Variants in ADAMTS17 observed in about 807,000 individuals in gnomAD.
The protein encoded by ADAMTS17 is A disintegrin and metalloproteinase with thrombospondin motifs 17.
A neutral mutation model predicts 141.5 loss-of-function variants in ADAMTS17; 113 were observed. The ratio of observed to expected loss-of-function variants is 0.80; its 90% CI spans 0.69 to 0.93. The LOEUF (loss-of-function observed/expected upper bound fraction) is 0.93. Ranked by LOEUF, ADAMTS17 falls within the 40% of genes least tolerant of loss-of-function variation. The pLI, the probability that ADAMTS17 is intolerant of heterozygous loss-of-function variation, is 0.00. For synonymous variants in ADAMTS17, 768 were observed against 630.6 expected (o/e 1.22, Z -3.27); for missense variants, 1,659 against 1,517.9 (o/e 1.09, Z -1.54).
chr15:100,117,046 G>C (rs1396846168), intron 12 of ADAMTS17, 33 bp from the exon 13 acceptor site: 2 of 1,573,840 alleles, frequency 1.3e-6, no homozygotes. Flanking sequence ...TGTTAACCAG[G>C]TGGTGCGACC....
chr15:100,290,504 A>G (rs2044592881), intron 3 of ADAMTS17, among the ~76,000 whole-genome samples: 1 of 152,200 alleles, frequency 6.6e-6, no homozygotes, highest in African/African-American at 2.4e-5. Context: ...TTAGAAAAAA[A>G]CTATTCTAAA....
intron 6 of ADAMTS17, chr15:100,256,436 T>G (rs978427710): frequency 6.6e-6 from 1 of 152,164 alleles, no homozygotes; most frequent in African/African-American, 2.4e-5. Flanking sequence ...CTTAATACAT[T>G]CGTTTATTAA....
chr15:100,200,591 T>C (rs1272060042), intron 7 of ADAMTS17, among the ~76,000 whole-genome samples: 1 of 152,214 alleles, frequency 6.6e-6, no homozygotes, highest in Non-Finnish European at 1.5e-5. Context: ...TATGCCCCTG[T>C]GTGACACGCA....
intron 8 of ADAMTS17, among the ~76,000 whole-genome samples, chr15:100,181,254 A>G (rs2040515498): frequency 6.6e-6 from 1 of 152,186 alleles, no homozygotes; most frequent in African/African-American, 2.4e-5. Flanking sequence ...TGCTGTCCAG[A>G]GCAAAGGCCT....
chr15:100,159,484 G>C (rs1160052127), intron 8 of ADAMTS17, among the ~76,000 whole-genome samples: 1 of 152,162 alleles, frequency 6.6e-6, no homozygotes, highest in African/African-American at 2.4e-5. Context: ...ATTTGACTTA[G>C]GGTTTGATTT....
intron 12 of ADAMTS17, among the ~76,000 whole-genome samples, chr15:100,123,686 G>A (rs2141189190): frequency 6.6e-6 from 1 of 152,356 alleles, no homozygotes; most frequent in Non-Finnish European, 1.5e-5. Flanking sequence ...GAATCAGAAG[G>A]TGCTCCTGAC....
At chr15:100,055,476 G>T (rs975228875) in intron 15 of ADAMTS17, among the ~76,000 whole-genome samples, 1 of 152,156 alleles carries the variant, frequency 6.6e-6, no homozygotes, top group African/African-American at 2.4e-5. Flanking sequence ...CAGGCTCAGG[G>T]CTTCTCGTGT....
intron 4 of ADAMTS17, among the ~76,000 whole-genome samples, chr15:100,272,950 A>C (rs1330291166): frequency 6.6e-6 from 1 of 151,944 alleles, no homozygotes; most frequent in Non-Finnish European, 1.5e-5. Context: ...AATTGGGATG[A>C]TCATTTTCTC....
intron 3 of ADAMTS17, among the ~76,000 whole-genome samples, chr15:100,284,048 T>G (rs1334086695): frequency 6.6e-6 from 1 of 152,158 alleles, no homozygotes; most frequent in African/African-American, 2.4e-5. Flanking sequence ...GAGGTTGCAG[T>G]GAGCCAAGAT....
chr15:100,141,753 C>G (rs2038665511), intron 10 of ADAMTS17, among the ~76,000 whole-genome samples: 1 of 152,214 alleles, frequency 6.6e-6, no homozygotes, highest in African/African-American at 2.4e-5. Flanking sequence ...GTGTGGAGAG[C>G]TCTCTGAAAA....
intron 8 of ADAMTS17, among the ~76,000 whole-genome samples, chr15:100,190,119 C>T (rs2040863881): frequency 6.6e-6 from 1 of 152,234 alleles, no homozygotes; most frequent in Non-Finnish European, 1.5e-5. Flanking sequence ...ATGCCCTACT[C>T]ATGCTTCCAG....
At chr15:100,035,007 T>C (rs1239411580) in intron 18 of ADAMTS17, among the ~76,000 whole-genome samples, 1 of 152,146 alleles carries the variant, frequency 6.6e-6, no homozygotes, top group Non-Finnish European at 1.5e-5. Flanking sequence ...CCTGCCTGTC[T>C]CCCAGCAAAT....
intron 10 of ADAMTS17, among the ~76,000 whole-genome samples, chr15:100,144,254 A>G (rs1415110460): frequency 6.6e-6 from 1 of 152,184 alleles, no homozygotes; most frequent in Admixed American, 6.5e-5. Flanking sequence ...TGGTATAAAA[A>G]TATCTGTGAT....
At position 100,035,916 on chromosome 15, in the gene ADAMTS17, A is replaced by G. The variant is rs191843906; in HGVS notation, c.2591+12941T>C. 2.6e-5 allele frequency among the ~76,000 whole-genome samples: 4 copies of G among 152,304 alleles called. No individual in the cohort carries two copies. In the East Asian group the frequency reaches 7.7e-4, roughly 29 times the overall value. Reference sequence around the variant, plus strand: ...AGAATACTGTTATTCTCTGCATGTTATGAGTGTACAAGCTACTGCTCAGAG... The same window carrying G: ...AGAATACTGTTATTCTCTGCATGTTGTGAGTGTACAAGCTACTGCTCAGAG... On this transcript the variant is annotated intron_variant, in intron 18 of 21. Transcript: ENST00000268070.
intron 4 of ADAMTS17, among the ~76,000 whole-genome samples, chr15:100,270,403 A>C (rs140404323): frequency 6.6e-6 from 1 of 152,322 alleles, no homozygotes; most frequent in Admixed American, 6.5e-5. Context: ...GTGTATTATT[A>C]TATTTATGCA....
chr15:100,151,395 G>C (rs981880242), intron 10 of ADAMTS17, among the ~76,000 whole-genome samples: 1 of 152,144 alleles, frequency 6.6e-6, no homozygotes, highest in East Asian at 1.9e-4. Context: ...CTTATACTCA[G>C]ACAGGAAGCA....
chr15:100,254,312 T>C (rs910857191), intron 6 of ADAMTS17, 133 bp from the exon 7 acceptor site: 2 of 820,972 alleles, frequency 2.4e-6, no homozygotes, highest in African/African-American at 1.7e-5. Flanking sequence ...CAGCGAATGA[T>C]AACAAACAGC....
intron 8 of ADAMTS17, among the ~76,000 whole-genome samples, chr15:100,189,831 C>T (rs181748099): frequency 9.5e-4 from 145 of 152,320 alleles, no homozygotes; most frequent in East Asian, 6.0e-3. Context: ...CTGGGAAAGC[C>T]GTGGCCAAGG....
chr15:100,192,940 T>G (rs1315064886), intron 8 of ADAMTS17, among the ~76,000 whole-genome samples: 1 of 152,154 alleles, frequency 6.6e-6, no homozygotes, highest in African/African-American at 2.4e-5. Context: ...GGGATCAGAT[T>G]CCTTCACGTT....
Sources: gnomAD v4.1 joint callset for allele counts (sites outside exome capture counted in the v4.1 genomes callset) on GRCh38, gnomAD v4.1.1 for gene constraint, MANE v1.5 for transcripts, NCBI Gene and HGNC (gene_info 2026-07-23, HGNC 2026-07-21) for gene names.